Variants in NOS1AP observed in about 807,000 individuals in gnomAD.
NOS1AP encodes the protein carboxyl-terminal PDZ ligand of neuronal nitric oxide synthase protein.
Under a neutral mutation model 56.2 loss-of-function variants are expected in NOS1AP, and 21 were observed. The ratio of observed to expected loss-of-function variants is 0.37; its 90% CI spans 0.26 to 0.54. The LOEUF (loss-of-function observed/expected upper bound fraction) is 0.54. Ranked by LOEUF, NOS1AP falls within the 20% of genes least tolerant of loss-of-function variation. NOS1AP has a pLI of 0.84. For missense variants in NOS1AP, 522 were observed against 657.8 expected (o/e 0.79, Z 2.26); for synonymous variants, 270 against 274.6 (o/e 0.98, Z 0.17).
At chr1:162,317,650 A>G (rs1011191193) in intron 4 of NOS1AP, 2 of 152,186 alleles carry the variant, frequency 1.3e-5, no homozygotes, top group East Asian at 1.9e-4. Flanking sequence ...TCGTATATCT[A>G]CATGAGCCCC....
intron 2 of NOS1AP, among the ~76,000 whole-genome samples, chr1:162,158,062 G>A (rs1463346978): frequency 6.6e-6 from 1 of 152,154 alleles, no homozygotes; most frequent in African/African-American, 2.4e-5. Flanking sequence ...AAGTTCAGCA[G>A]TGTTAAGTAT....
intron 2 of NOS1AP, among the ~76,000 whole-genome samples, chr1:162,160,120 G>T (rs1391866446): frequency 1.3e-5 from 2 of 152,158 alleles, no homozygotes; most frequent in Admixed American, 6.5e-5. Context: ...GACACTCAGG[G>T]GTATCTGGTC....
chr1:162,331,632 A>ATG (rs1367935238), intron 4 of NOS1AP, among the ~76,000 whole-genome samples: 7 of 152,226 alleles, frequency 4.6e-5, no homozygotes, highest in Non-Finnish European at 8.8e-5. Flanking sequence ...ACAGACCTAC[A>ATG]CTAAAACAAA....
At chr1:162,094,228 T>C (rs893716774) in intron 1 of NOS1AP, among the ~76,000 whole-genome samples, 1 of 152,200 alleles carries the variant, frequency 6.6e-6, no homozygotes, top group African/African-American at 2.4e-5. Flanking sequence ...AAGTGAACTT[T>C]GTTGTGTGCT....
At chr1:162,151,808 T>A (rs534056430) in intron 1 of NOS1AP, among the ~76,000 whole-genome samples, 5 of 151,648 alleles carry the variant, frequency 3.3e-5, no homozygotes, top group African/African-American at 1.2e-4. Flanking sequence ...GTGGTGTGAG[T>A]GTGATGTGTT....
intron 2 of NOS1AP, among the ~76,000 whole-genome samples, chr1:162,252,299 C>T (rs990467564): frequency 6.6e-6 from 1 of 152,160 alleles, no homozygotes; most frequent in Non-Finnish European, 1.5e-5. Context: ...GGGCCACTTC[C>T]TCCTCCCAAC....
intron 1 of NOS1AP, among the ~76,000 whole-genome samples, chr1:162,081,770 A>ATC (rs1400188804): frequency 1.9e-4 from 3 of 15,786 alleles, no homozygotes; most frequent in South Asian, 1.9e-3. Flanking sequence ...ATATATATAT[A>ATC]TATATTTTTT....
chr1:162,198,502 G>A lies in NOS1AP; in HGVS notation c.177+44026G>A, dbSNP rs1233239066. Among the ~76,000 whole-genome samples the A allele has an allele frequency of 2.0e-5, 3 of 152,284 alleles. No homozygotes were observed. In the East Asian group the frequency reaches 5.8e-4, roughly 29 times the overall value. On this transcript the variant is annotated intron_variant, in intron 2 of 9. Transcript: ENST00000361897. ...TTAAGAAACTTAAGGCAAAAGTCAAGCCCTAAAGACATCTGAAAACGATGC... is the reference window on the plus strand; with the variant it reads ...TTAAGAAACTTAAGGCAAAAGTCAAACCCTAAAGACATCTGAAAACGATGC...
intron 4 of NOS1AP, among the ~76,000 whole-genome samples, chr1:162,328,343 T>C (rs149449141): frequency 2.0e-5 from 3 of 152,346 alleles, no homozygotes; most frequent in African/African-American, 7.2e-5. Context: ...CCGTCCATCC[T>C]GCACATGTAC....
chr1:162,364,523 C>G, intron 8 of NOS1AP: 2 of 985,448 alleles, frequency 2.0e-6, no homozygotes, highest in Non-Finnish European at 2.4e-6. Context: ...TATTGCTCAC[C>G]AAGAACAGAG....
intron 2 of NOS1AP, among the ~76,000 whole-genome samples, chr1:162,270,924 G>A (rs974123056): frequency 1.3e-5 from 2 of 152,132 alleles, no homozygotes; most frequent in African/African-American, 4.8e-5. Context: ...CTGAACCCAG[G>A]GCTCTGAAGA....
At chr1:162,130,303 A>C (rs190359788) in intron 1 of NOS1AP, among the ~76,000 whole-genome samples, 2 of 152,346 alleles carry the variant, frequency 1.3e-5, no homozygotes, top group African/African-American at 4.8e-5. Flanking sequence ...CAGAACTAGG[A>C]TTTGAATTCA....
At position 162,287,728 on chromosome 1, in the gene NOS1AP, G is replaced by A. The variant is rs116222762; in HGVS notation, c.270+292G>A. On this transcript the variant is annotated intron_variant, in intron 3 of 9. Coordinates refer to ENST00000361897, the MANE Select transcript of NOS1AP (RefSeq NM_014697.3). Reference sequence around the variant, plus strand: ...CCCATTTTCATACCTTTATCTTTGAGTTTTGAGTCCTGATGGTAGAAAATA... The same window carrying A: ...CCCATTTTCATACCTTTATCTTTGAATTTTGAGTCCTGATGGTAGAAAATA... Among the ~76,000 whole-genome samples, 1,348 of 151,950 alleles carry A rather than the reference G, an allele frequency of 8.9e-3. 19 individuals carry two copies. The highest frequency in any genetic ancestry group is 0.031 in the African/African-American group (1,279 of 41,454).
chr1:162,284,133 G>C (rs955142324), intron 2 of NOS1AP, among the ~76,000 whole-genome samples: 7 of 152,234 alleles, frequency 4.6e-5, no homozygotes, highest in South Asian at 4.1e-4. Flanking sequence ...CCATTCTTGT[G>C]GTTACTCCAT....
intron 3 of NOS1AP, among the ~76,000 whole-genome samples, chr1:162,299,499 AG>A (rs1655573091): frequency 6.6e-6 from 1 of 152,208 alleles, no homozygotes; most frequent in South Asian, 2.1e-4. Context: ...ATGTATTTGA[AG>A]GGGTTCTTGC....
chr1:162,122,411 G>A (rs1452396464), intron 1 of NOS1AP, among the ~76,000 whole-genome samples: 3 of 152,086 alleles, frequency 2.0e-5, no homozygotes, highest in Non-Finnish European at 2.9e-5. Flanking sequence ...ATTGTGCTAC[G>A]CATGTAGTAG....
intron 1 of NOS1AP, among the ~76,000 whole-genome samples, chr1:162,073,752 G>A (rs1337470345): frequency 6.6e-6 from 1 of 152,222 alleles, no homozygotes; most frequent in African/African-American, 2.4e-5. Context: ...GAACCACTGC[G>A]CCCGGCTCAA....
intron 9 of NOS1AP, among the ~76,000 whole-genome samples, chr1:162,366,631 C>G (rs1216896875): frequency 1.3e-5 from 2 of 152,182 alleles, no homozygotes; most frequent in Non-Finnish European, 2.9e-5. Context: ...CCCTTCACCA[C>G]TCTGGAAGCC....
intron 1 of NOS1AP, among the ~76,000 whole-genome samples, chr1:162,093,570 T>A (rs545415415): frequency 2.1e-4 from 32 of 152,298 alleles, no homozygotes; most frequent in East Asian, 5.8e-4. Flanking sequence ...ATTTTATTTT[T>A]TTTTGCCGCT....
Sources: allele counts gnomAD v4.1 joint callset (sites outside exome capture counted in the v4.1 genomes callset), GRCh38; gene constraint gnomAD v4.1.1; transcripts MANE v1.5; gene names NCBI Gene and HGNC (gene_info 2026-07-23, HGNC 2026-07-21).